SECISBP2: variants seen among roughly 807,000 people sequenced by gnomAD.
SECISBP2 encodes the protein SECIS binding protein 2.
Under a neutral mutation model 98.2 loss-of-function variants are expected in SECISBP2, and 96 were observed. That is an observed-to-expected ratio of 0.98 (90% CI 0.83 to 1.16). The LOEUF is 1.16. Among genes scored for constraint, SECISBP2 ranks in the 50% most tolerant of loss-of-function variants. SECISBP2 has a pLI of 0.00. For synonymous variants in SECISBP2, 407 were observed against 370.2 expected, an observed-to-expected ratio of 1.10 and a Z score of -1.14; for missense variants, 1,046 against 1,022.9, an observed-to-expected ratio of 1.02 and a Z score of -0.31.
chr9:89,356,991 G>A, intron 14 of SECISBP2: 1 of 313,954 alleles, frequency 3.2e-6, no homozygotes, highest in South Asian at 2.7e-5. Context: ...GGGTCAGGGA[G>A]TAGAGGGTGG....
intron 2 of SECISBP2, chr9:89,322,489 G>A (rs1387815093): frequency 1.3e-5 from 2 of 152,196 alleles, no homozygotes; most frequent in African/African-American, 4.8e-5. Flanking sequence ...TTTGCACATG[G>A]GAAACTGAAG....
chr9:89,359,106 T>G lies in SECISBP2; in HGVS notation c.*282T>G. The G allele has an allele frequency of 2.3e-6, 1 of 434,508 alleles. No homozygotes were observed. The highest frequency in any genetic ancestry group is 2.2e-5 in the South Asian group (1 of 45,656). 26.9% of individuals were successfully genotyped at this position (434,508 alleles called of 1,614,324 possible). A position where few individuals can be genotyped will look rare whatever the true frequency, so the allele number is the denominator to read the frequency against. ...CGGATCTGGAAAATACTGGAAAATGTGATACTTAGAATACTTTGGCTGCTA... is the reference window on the plus strand; with the variant it reads ...CGGATCTGGAAAATACTGGAAAATGGGATACTTAGAATACTTTGGCTGCTA... On this transcript the variant is annotated 3_prime_UTR_variant, in exon 17 of 17. Coordinates refer to ENST00000375807, the MANE Select transcript of SECISBP2 (RefSeq NM_024077.5).
intron 14 of SECISBP2, among the ~76,000 whole-genome samples, chr9:89,351,205 G>T (rs552345818): frequency 6.4e-4 from 97 of 152,318 alleles, no homozygotes; most frequent in African/African-American, 2.3e-3. Context: ...CAGCCAGGCA[G>T]TACCTACCTA....
At position 89,339,918 on chromosome 9, in the gene SECISBP2, G is replaced by A; in HGVS notation, c.1267G>A (p.Glu423Lys). 6.2e-7 allele frequency: 1 copy of A among 1,613,714 alleles called. No homozygotes were observed. Among genetic ancestry groups the A allele is most frequent in the Non-Finnish European group, 8.5e-7 (1 of 1,179,764 alleles). Residue 423 changes from glutamate to lysine, a missense_variant, in exon 9 of 17, where the codon GAG becomes AAG. Transcript: ENST00000375807. Reference sequence around the variant, plus strand: ...TGCATCTGAAAGAAGAGACAGAATAGAGACACCGAAATTTCAATCTAAGCA... The same window carrying A: ...TGCATCTGAAAGAAGAGACAGAATAAAGACACCGAAATTTCAATCTAAGCA... ...AVASERRDRIETPKFQSKQQP... is the reference protein window; with the variant it reads ...AVASERRDRIKTPKFQSKQQP...
chr9:89,346,785 C>G (rs1175586150), intron 10 of SECISBP2, 97 bp from the exon 11 acceptor site: 1 of 1,457,080 alleles, frequency 6.9e-7, no homozygotes, highest in East Asian at 2.3e-5. Flanking sequence ...CAAACTCCTT[C>G]AGATACCCTG....
At chr9:89,332,794 C>T (rs1054404280) in intron 5 of SECISBP2, 114 bp from the exon 6 acceptor site, 2 of 837,668 alleles carry the variant, frequency 2.4e-6, no homozygotes, top group Non-Finnish European at 3.9e-6. Context: ...TTCATTCTTA[C>T]CAGCAATGGA....
chr9:89,338,177 C>G (rs193273915), intron 7 of SECISBP2, among the ~76,000 whole-genome samples: 4 of 152,180 alleles, frequency 2.6e-5, no homozygotes, highest in African/African-American at 9.7e-5. Flanking sequence ...AGGAAGGTCA[C>G]GAACACCATG....
Position 89,350,684 on chromosome 9 carries a change from C to G in SECISBP2, c.1945C>G (p.Leu649Val), listed in dbSNP as rs764843163. 1 of 1,614,208 alleles carries G rather than the reference C, an allele frequency of 6.2e-7. No homozygotes were observed. The highest frequency in any genetic ancestry group is 8.5e-7 in the Non-Finnish European group (1 of 1,180,026). Residue 649 changes from leucine (L) to valine (V), a missense_variant, in exon 14 of 17, where the codon CTC becomes GTC. Transcript: ENST00000375807. ...AGTGGATGCTTGTGTTACCGACCTA[C>G]TCAAAGAACTGGTCCGTTTCCAAGA... ...KEVDACVTDL[L>V]KELVRFQDRM...
chr9:89,318,778 G>T (rs575418184), intron 1 of SECISBP2, 166 bp downstream of exon 1: 1 of 1,254,304 alleles, frequency 8.0e-7, no homozygotes, highest in Non-Finnish European at 1.0e-6. Flanking sequence ...CCCCGCCTCG[G>T]GTCCGCCTTG....
chr9:89,364,937 T>G, the SECISBP2 span: 1 of 101,022 alleles, frequency 9.9e-6, no homozygotes, highest in South Asian at 3.3e-4. Context: ...AACCAGAATG[T>G]TGGGGGTTTT....
chr9:89,342,640 C>A (rs1829827176), intron 10 of SECISBP2, among the ~76,000 whole-genome samples: 1 of 152,140 alleles, frequency 6.6e-6, no homozygotes, highest in South Asian at 2.1e-4. Flanking sequence ...AACCTGAAAA[C>A]ATTATACCAT....
intron 14 of SECISBP2, chr9:89,356,928 C>A: frequency 4.1e-6 from 1 of 244,904 alleles, no homozygotes; most frequent in Non-Finnish European, 8.1e-6. Flanking sequence ...ACTCATTTCA[C>A]CTCCATCCTC....
In SECISBP2 at chr9:89,341,462, A is replaced by T; in HGVS notation, c.1418A>T (p.Lys473Ile). The change falls in exon 10 of 17, where the codon AAA (lysine) becomes ATA (isoleucine). Residue 473 changes from lysine (K) to isoleucine (I), a missense_variant. By Grantham distance (102) the Lys-to-Ile change is moderately radical. Transcript: ENST00000375807. ...TCTCAGCATGCAAAGCAGTCCTCCA[A>T]ACCAGTGGTAGTCTCAGGTAAGAGA... ...QHSQHAKQSSKPVVVSVGAVP... is the reference protein window; with the variant it reads ...QHSQHAKQSSIPVVVSVGAVP... 1.9e-6 allele frequency: 3 copies of T among 1,614,172 alleles called. No individual in the cohort carries two copies. Among genetic ancestry groups the T allele is most frequent in the Non-Finnish European group, 2.5e-6 (3 of 1,180,014 alleles).
chr9:89,363,056 A>G (rs1832950513), downstream of SECISBP2, among the ~76,000 whole-genome samples: 1 of 152,156 alleles, frequency 6.6e-6, no homozygotes, highest in African/African-American at 2.4e-5. Flanking sequence ...AGCTACCTGG[A>G]GGGTTCCCCA....
At chr9:89,319,925 G>C in intron 2 of SECISBP2, 128 bp downstream of exon 2, 1 of 1,003,554 alleles carries the variant, frequency 1.0e-6, no homozygotes, top group South Asian at 1.3e-5. Context: ...CTTCAACCAA[G>C]AAGAGTCTGA....
At chr9:89,353,943 CAGATA>C (rs1313195861) in intron 14 of SECISBP2, among the ~76,000 whole-genome samples, 2 of 152,140 alleles carry the variant, frequency 1.3e-5, no homozygotes, top group African/African-American at 4.8e-5. Flanking sequence ...AAATATTTGC[CAGATA>C]AGATAGCCAA....
At chr9:89,363,429 C>T (rs1278513880), downstream of SECISBP2, 2 of 1,612,608 alleles carry the variant, frequency 1.2e-6, no homozygotes, top group African/African-American at 1.3e-5. Flanking sequence ...CGGCCACTTA[C>T]CCACGCCTTC....
intron 12 of SECISBP2, among the ~76,000 whole-genome samples, chr9:89,348,951 CAG>C (rs1214187893): frequency 3.1e-4 from 47 of 152,356 alleles, no homozygotes; most frequent in African/African-American, 1.0e-3. Context: ...TAATTAGAAA[CAG>C]GGTTGCTGCG....
chr9:89,348,694 C>G (rs2131959400), intron 12 of SECISBP2, among the ~76,000 whole-genome samples: 1 of 152,396 alleles, frequency 6.6e-6, no homozygotes, highest in South Asian at 2.1e-4. Context: ...AAGCAAAACA[C>G]AGCCCAGCAA....
Sources: allele counts gnomAD v4.1 joint callset (sites outside exome capture counted in the v4.1 genomes callset), GRCh38; gene constraint gnomAD v4.1.1; transcripts MANE v1.5; gene names NCBI Gene and HGNC (gene_info 2026-07-23, HGNC 2026-07-21).